GSPT1: variants seen among roughly 807,000 people sequenced by gnomAD.
The protein encoded by GSPT1 is G1 to S phase transition 1.
A neutral mutation model predicts 72.5 loss-of-function variants in GSPT1; 20 were observed. That is an observed-to-expected ratio of 0.28 (90% confidence interval 0.19 to 0.40). The LOEUF is 0.40. Among genes scored for constraint, GSPT1 ranks in the 10% least tolerant of loss-of-function variants. GSPT1 has a pLI of 1.00. For missense variants in GSPT1, 580 were observed against 811.9 expected (o/e 0.71, Z 3.47); for synonymous variants, 334 against 293.5 (o/e 1.14, Z -1.41).
intron 1 of GSPT1, among the ~76,000 whole-genome samples, chr16:11,902,382 C>T (rs995601398): frequency 9.5e-6 from 1 of 104,916 alleles, no homozygotes; most frequent in Non-Finnish European, 1.8e-5. Flanking sequence ...GTCTCAAAAA[C>T]AGACAGAGCA....
chr16:11,901,738 G>C (rs192100399), intron 1 of GSPT1, among the ~76,000 whole-genome samples: 354 of 151,798 alleles, frequency 2.3e-3, no homozygotes, highest in Non-Finnish European at 3.9e-3. Flanking sequence ...GTCGCAGTGA[G>C]CCAAGATTGC....
intron 12 of GSPT1, among the ~76,000 whole-genome samples, chr16:11,876,721 T>A (rs541067852): frequency 6.6e-6 from 1 of 152,156 alleles, no homozygotes; most frequent in Non-Finnish European, 1.5e-5. Context: ...CCAGCCTGGG[T>A]GACAGAGCAA....
chr16:11,883,188 T>C (rs1020554351), intron 10 of GSPT1, 93 bp from the exon 11 acceptor site: 1 of 741,426 alleles, frequency 1.3e-6, no homozygotes, highest in Non-Finnish European at 2.4e-6. Flanking sequence ...TGCTTATTCA[T>C]AAAGGAAAAT....
intron 11 of GSPT1, among the ~76,000 whole-genome samples, chr16:11,882,747 G>A (rs2054136906): frequency 6.6e-6 from 1 of 151,830 alleles, no homozygotes; most frequent in African/African-American, 2.4e-5. Context: ...TTGAGGCCAG[G>A]AGTTAGAGAC....
chr16:11,907,034 T>C (rs975149663), intron 1 of GSPT1, among the ~76,000 whole-genome samples: 14 of 152,164 alleles, frequency 9.2e-5, no homozygotes, highest in Non-Finnish European at 5.9e-5. Flanking sequence ...ACTCTAAAAA[T>C]AAAAAGGCTC....
chr16:11,885,198 T>C lies in GSPT1; in HGVS notation c.1330A>G (p.Ile444Val), dbSNP rs774703129. 6 of 1,571,454 alleles carry C rather than the reference T, an allele frequency of 3.8e-6. No individual in the cohort carries two copies. Among genetic ancestry groups the C allele is most frequent in the East Asian group, 4.5e-5 (2 of 44,650 alleles). ...TTGGGTACCTTGTACTTATCCACAATTGGCAGCCTGATTGGTCCATCAACT... is the reference window on the plus strand; with the variant it reads ...TTGGGTACCTTGTACTTATCCACAACTGGCAGCCTGATTGGTCCATCAACT... ...RSVDGPIRLPIVDKYKDMGTV... is the reference protein window; with the variant it reads ...RSVDGPIRLPVVDKYKDMGTV... Residue 444 changes from isoleucine to valine, a missense_variant, in exon 10 of 15, where the codon ATT becomes GTT. Ile to Val is a conservative substitution (Grantham distance 29). Coordinates refer to ENST00000434724, the MANE Select transcript of GSPT1 (RefSeq NM_002094.4).
At chr16:11,910,012 A>T (rs1044481633) in intron 1 of GSPT1, among the ~76,000 whole-genome samples, 1 of 152,156 alleles carries the variant, frequency 6.6e-6, no homozygotes, top group Non-Finnish European at 1.5e-5. Context: ...GTGAAAGATC[A>T]CTTGAGCCCA....
At chr16:11,876,046 C>T (rs1174423044) in intron 13 of GSPT1, 40 bp downstream of exon 13, 2 of 1,474,406 alleles carry the variant, frequency 1.4e-6, no homozygotes, top group Admixed American at 3.4e-5. Context: ...GAAGATAAAA[C>T]AGTATTAAAA....
chr16:11,879,250 C>T (rs2054089014), intron 11 of GSPT1, among the ~76,000 whole-genome samples: 2 of 150,856 alleles, frequency 1.3e-5, no homozygotes, highest in South Asian at 4.2e-4. Flanking sequence ...CAAAAATTAG[C>T]CAGGCGTGGT....
chr16:11,897,103 TGA>T (rs2054349801), intron 3 of GSPT1, among the ~76,000 whole-genome samples: 1 of 152,184 alleles, frequency 6.6e-6, no homozygotes, highest in Non-Finnish European at 1.5e-5. Context: ...ATTCCAGTGT[TGA>T]GACACCCTGA....
Position 11,872,545 on chromosome 16 carries a change from G to A in GSPT1, c.*574C>T, listed in dbSNP as rs2053990439. 6.6e-6 allele frequency: 1 copy of A among 152,168 alleles called. No individual in the cohort carries two copies. Among genetic ancestry groups the A allele is most frequent in the African/African-American group, 2.4e-5 (1 of 41,436 alleles). 9.4% of individuals were successfully genotyped at this position (152,168 alleles called of 1,614,324 possible). The stretch of plus-strand genomic sequence containing the variant: ...ACGCTGTGAATGTCTCATTTATAGT[G>A]GGTAGGGAAAGAGTTTATAAAAGTC... On this transcript the variant is annotated 3_prime_UTR_variant, in exon 15 of 15. Coordinates refer to ENST00000434724, the MANE Select transcript of GSPT1 (RefSeq NM_002094.4).
At chr16:11,874,797 A>C (rs1244620971) in intron 14 of GSPT1, among the ~76,000 whole-genome samples, 1 of 152,170 alleles carries the variant, frequency 6.6e-6, no homozygotes, top group Non-Finnish European at 1.5e-5. Context: ...GCTAAATGGA[A>C]TTGGAATGAA....
chr16:11,897,410 C>A (rs1366804336), intron 3 of GSPT1, among the ~76,000 whole-genome samples: 3 of 152,104 alleles, frequency 2.0e-5, no homozygotes, highest in African/African-American at 4.8e-5. Context: ...CATGGTGAAA[C>A]CCCGCCTCTA....
At chr16:11,899,864 A>T (rs757728920) in intron 1 of GSPT1, among the ~76,000 whole-genome samples, 1 of 152,078 alleles carries the variant, frequency 6.6e-6, no homozygotes, top group Non-Finnish European at 1.5e-5. Flanking sequence ...CTGTGCCTGC[A>T]CTTATTCCAC....
intron 3 of GSPT1, 123 bp from the exon 4 acceptor site, chr16:11,896,908 G>A: frequency 1.5e-6 from 1 of 674,086 alleles, no homozygotes; most frequent in Non-Finnish European, 2.5e-6. Flanking sequence ...AATGCCTAGT[G>A]ACACATAAGC....
rs1567434013 is a variant in GSPT1 at position 11,875,842 on chromosome 16, G to A, written c.1780C>T (p.Arg594Cys). 1.2e-6 allele frequency: 2 copies of A among 1,613,446 alleles called. No homozygotes were observed. The highest frequency in any genetic ancestry group is 1.7e-6 in the Non-Finnish European group (2 of 1,179,602). ...FVKQDQVCIA[R>C]LRTAGTICLE... ...CAGATGGTTCCTGCTGTCCTTAAGC[G>A]AGCAATGCATACTTGATCTTGTTTG... The change falls in exon 14 of 15, where the codon CGC (arginine) becomes TGC (cysteine). Residue 594 changes from arginine to cysteine, a missense_variant. By Grantham distance (180) the Arg-to-Cys change is radical. Transcript: ENST00000434724.
In GSPT1 at chr16:11,872,829, T is replaced by C. The variant is rs964790597; in HGVS notation, c.*290A>G. 11 of 315,482 alleles carry C rather than the reference T, an allele frequency of 3.5e-5. No homozygotes were observed. The highest frequency in any genetic ancestry group is 1.4e-4 in the Admixed American group (3 of 21,514). The allele number at this position is 315,482 out of a possible 1,614,324, so 19.5% of individuals were successfully genotyped here. On this transcript the variant is annotated 3_prime_UTR_variant, in exon 15 of 15. Coordinates refer to ENST00000434724, the MANE Select transcript of GSPT1 (RefSeq NM_002094.4). ...AAAAAATTCCTGTAGGTTTTCATTA[T>C]TGTAGGCAATTATGTCCACATCACT...
chr16:11,892,533 A>T lies in GSPT1; in HGVS notation c.699-1394T>A, dbSNP rs1234017284. On this transcript the variant is annotated intron_variant, in intron 5 of 14. Coordinates refer to ENST00000434724, the MANE Select transcript of GSPT1 (RefSeq NM_002094.4). Reference sequence around the variant, plus strand: ...AAAAAACAAAAAAAACAAAAAAAACAAAAAATAAAAAATGGCCGGGCACGG... The same window carrying T: ...AAAAAACAAAAAAAACAAAAAAAACTAAAAATAAAAAATGGCCGGGCACGG... Among the ~76,000 whole-genome samples, 192 of 131,388 alleles carry T rather than the reference A, an allele frequency of 1.5e-3. 3 individuals carry two copies. Among genetic ancestry groups the T allele is most frequent in the African/African-American group, 5.8e-3 (164 of 28,476 alleles). The allele number at this position is 131,388 out of a possible 152,430, so 86.2% of individuals were successfully genotyped here. A position where few individuals can be genotyped will look rare whatever the true frequency, so the allele number is the denominator to read the frequency against.
At chr16:11,901,913 T>A (rs1183912599) in intron 1 of GSPT1, among the ~76,000 whole-genome samples, 1 of 151,144 alleles carries the variant, frequency 6.6e-6, no homozygotes, top group Non-Finnish European at 1.5e-5. Flanking sequence ...CTGACTAATA[T>A]GAGGAAACCC....
Sources: gnomAD v4.1 joint callset for allele counts (sites outside exome capture counted in the v4.1 genomes callset) on GRCh38, gnomAD v4.1.1 for gene constraint, MANE v1.5 for transcripts, NCBI Gene and HGNC (gene_info 2026-07-23, HGNC 2026-07-21) for gene names.